Variants in PIEZO2 observed in about 807,000 individuals in gnomAD.
The protein encoded by PIEZO2 is piezo-type mechanosensitive ion channel component 2.
In PIEZO2, 172 loss-of-function variants were observed where a neutral mutation model predicts 337.3. The ratio of observed to expected loss-of-function variants is 0.51; its 90% CI spans 0.45 to 0.58. The LOEUF is 0.58. Among genes scored for constraint, PIEZO2 ranks in the 20% least tolerant of loss-of-function variants. The pLI is 0.00. For synonymous variants in PIEZO2, 1,251 were observed against 1,228.5 expected (o/e 1.02, Z -0.38); for missense variants, 3,028 against 3,391.3 (o/e 0.89, Z 2.66).
intron 4 of PIEZO2, among the ~76,000 whole-genome samples, chr18:10,900,489 G>A (rs1014140905): frequency 1.3e-5 from 2 of 152,154 alleles, no homozygotes; most frequent in Non-Finnish European, 2.9e-5. Flanking sequence ...ATGAAATGCA[G>A]ATATCTCATG....
intron 31 of PIEZO2, among the ~76,000 whole-genome samples, chr18:10,742,860 C>T (rs1343100350): frequency 1.3e-5 from 2 of 151,274 alleles, no homozygotes; most frequent in Non-Finnish European, 2.9e-5. Flanking sequence ...TGCATAGATG[C>T]CAGTCTTAAT....
Position 10,979,508 on chromosome 18 carries a change from A to G in PIEZO2, c.286+27T>C, listed in dbSNP as rs918013437. The G allele has an allele frequency of 4.1e-6, 6 of 1,458,182 alleles. No individual in the cohort carries two copies. The African/African-American group carries it at 8.5e-5, about 21-fold the overall frequency. 90.3% of individuals were successfully genotyped at this position (1,458,182 alleles called of 1,614,324 possible). On this transcript the variant is annotated intron_variant, in intron 3 of 55. Coordinates refer to ENST00000674853, the MANE Select transcript of PIEZO2 (RefSeq NM_001378183.1). This position sits in a 1 kb window ranked among gnomAD's most constrained non-coding sequence, Gnocchi z 4.0. ...GTATATAAAAGAAATAAAAGAAAAC[A>G]ATAAAAGAAAACACCATAATACTCA... is the stretch of plus-strand genomic sequence containing the variant.
intron 2 of PIEZO2, among the ~76,000 whole-genome samples, chr18:11,065,322 C>A (rs190380117): frequency 3.0e-4 from 46 of 152,336 alleles, no homozygotes; most frequent in African/African-American, 1.1e-3. Context: ...TTCATGTAAA[C>A]ATACGGCCAT....
At chr18:10,934,636 C>CGTGT (rs59190236) in intron 3 of PIEZO2, among the ~76,000 whole-genome samples, 7,544 of 130,718 alleles carry the variant, frequency 0.058, 311 homozygotes, top group African/African-American at 0.094. Flanking sequence ...ATTGTGTGTA[C>CGTGT]GTGTGTGTGT....
At chr18:10,732,268 C>T (rs1598411582) in intron 35 of PIEZO2, among the ~76,000 whole-genome samples, 1 of 152,240 alleles carries the variant, frequency 6.6e-6, no homozygotes, top group African/African-American at 2.4e-5. Context: ...AAAAAGTCAG[C>T]CATATAGCAA....
chr18:11,060,855 T>G (rs1339275294), intron 2 of PIEZO2, among the ~76,000 whole-genome samples: 1 of 118,984 alleles, frequency 8.4e-6, no homozygotes, highest in Non-Finnish European at 1.8e-5. Context: ...CCATTCCTTC[T>G]GAAACTATTC....
intron 7 of PIEZO2, among the ~76,000 whole-genome samples, chr18:10,851,752 T>C (rs1220172968): frequency 1.3e-5 from 2 of 152,188 alleles, no homozygotes; most frequent in Non-Finnish European, 2.9e-5. Context: ...AATACAGCCA[T>C]GATCATTTTA....
chr18:10,906,535 G>T (rs1426650009), intron 4 of PIEZO2, among the ~76,000 whole-genome samples: 1 of 151,962 alleles, frequency 6.6e-6, no homozygotes, highest in Non-Finnish European at 1.5e-5. Flanking sequence ...AGAACTCACT[G>T]AGAGATCACT....
At position 10,681,789 on chromosome 18, in the gene PIEZO2, C is replaced by T. The variant is rs774042668; in HGVS notation, c.7687-36G>A. The T allele has an allele frequency of 5.3e-6, 8 of 1,500,644 alleles. No individual in the cohort carries two copies. In the African/African-American group the frequency reaches 9.7e-5, roughly 18 times the overall value. The allele number at this position is 1,500,644 out of a possible 1,614,324, so 93.0% of individuals were successfully genotyped here. On this transcript the variant is annotated intron_variant, in intron 50 of 55. Transcript: ENST00000674853. ...AAGAGAACAGTGTTGTCAATATTCC[C>T]CAGCTCTTCTCTGCATCCTGAGTCA...
intron 36 of PIEZO2, among the ~76,000 whole-genome samples, 151 bp from the exon 37 acceptor site, chr18:10,718,410 G>A (rs1170983386): frequency 6.6e-6 from 1 of 152,172 alleles, no homozygotes; most frequent in African/African-American, 2.4e-5. Flanking sequence ...AGAATTCATA[G>A]CTCTTAGATT....
chr18:10,735,057 G>A (rs755168738), intron 35 of PIEZO2, among the ~76,000 whole-genome samples, 175 bp downstream of exon 35: 9 of 152,050 alleles, frequency 5.9e-5, no homozygotes, highest in Non-Finnish European at 7.4e-5. Flanking sequence ...TAAGAACTTC[G>A]GCTTCTAAGA....
chr18:10,827,207 C>T (rs1002308884), intron 7 of PIEZO2, among the ~76,000 whole-genome samples: 5 of 152,100 alleles, frequency 3.3e-5, no homozygotes, highest in African/African-American at 1.2e-4. Context: ...ATTTTATGCT[C>T]TTTATTTTTT....
At chr18:10,706,552 C>A (rs1335837333) in intron 40 of PIEZO2, among the ~76,000 whole-genome samples, 3 of 152,210 alleles carry the variant, frequency 2.0e-5, no homozygotes, top group Non-Finnish European at 4.4e-5. Flanking sequence ...TTTCTTCTAC[C>A]AGTTCCTCTT....
chr18:10,936,575 C>T (rs1359111131), intron 3 of PIEZO2, among the ~76,000 whole-genome samples: 2 of 152,122 alleles, frequency 1.3e-5, no homozygotes, highest in African/African-American at 4.8e-5. Context: ...GCTAATTCTT[C>T]TGGATGGGGG....
At chr18:10,735,443 A>G (rs1488485627) in intron 34 of PIEZO2, among the ~76,000 whole-genome samples, 113 bp from the exon 35 acceptor site, 1 of 152,178 alleles carries the variant, frequency 6.6e-6, no homozygotes, top group Non-Finnish European at 1.5e-5. Context: ...AGGTTAAAAG[A>G]TGCCAGTCAC....
intron 29 of PIEZO2, among the ~76,000 whole-genome samples, chr18:10,749,691 G>C (rs867698186): frequency 2.0e-5 from 3 of 152,062 alleles, no homozygotes; most frequent in African/African-American, 7.2e-5. Flanking sequence ...GAAGCTCTCT[G>C]AGCTTCCTGA....
intron 47 of PIEZO2, among the ~76,000 whole-genome samples, chr18:10,692,686 T>C (rs185284416): frequency 1.2e-4 from 19 of 152,350 alleles, no homozygotes; most frequent in Middle Eastern, 6.8e-3. Context: ...ACTGTGGGTC[T>C]TCTATTTCTG....
rs1482745225 is a variant in PIEZO2 at position 10,795,350 on chromosome 18, T to C, written c.1528-348A>G. Among the ~76,000 whole-genome samples, 5 of 5,480 alleles carry C rather than the reference T, an allele frequency of 9.1e-4. No homozygotes were observed. Among genetic ancestry groups the C allele is most frequent in the Admixed American group, 2.1e-3 (1 of 482 alleles). 3.6% of individuals were successfully genotyped at this position (5,480 alleles called of 152,430 possible). ...TATTTTATTTTATTTTATTTTATTT[T>C]ATTATTTTATTTTATTTTATTTTAT... On this transcript the variant is annotated intron_variant, in intron 12 of 55. Transcript: ENST00000674853. The surrounding 1 kb of genome is among the most constrained non-coding windows in gnomAD (Gnocchi z 4.4).
intron 2 of PIEZO2, among the ~76,000 whole-genome samples, chr18:11,014,574 C>T (rs529574465): frequency 5.4e-5 from 8 of 147,644 alleles, no homozygotes; most frequent in African/African-American, 2.0e-4. Flanking sequence ...GAACATGTCA[C>T]CCTGGGTGGG....
Sources: gnomAD v4.1 joint callset for allele counts (sites outside exome capture counted in the v4.1 genomes callset) on GRCh38, gnomAD v4.1.1 for gene constraint, Gnocchi (gnomAD v3.1) non-coding constraint, MANE v1.5 for transcripts, NCBI Gene and HGNC (gene_info 2026-07-23, HGNC 2026-07-21) for gene names.